The following CFAP57 variants were observed in gnomAD, a reference collection of about 807,000 sequenced individuals.
CFAP57 encodes the protein cilia- and flagella-associated protein 57.
CFAP57 carries 116 observed loss-of-function variants against 146.8 expected under a neutral mutation model. The ratio of observed to expected loss-of-function variants is 0.79; its 90% CI spans 0.68 to 0.92. The LOEUF (loss-of-function observed/expected upper bound fraction) is 0.92, where lower values mean the gene tolerates loss of function less well. Among genes scored for constraint, CFAP57 ranks in the 40% least tolerant of loss-of-function variants. CFAP57 has a pLI of 0.00. For missense variants in CFAP57, 1,377 were observed against 1,527.2 expected (o/e 0.90, Z 1.64); for synonymous variants, 518 against 552.8 (o/e 0.94, Z 0.88).
At chr1:43,179,124 G>A (rs2025590) in intron 2 of CFAP57, among the ~76,000 whole-genome samples, 30,162 of 151,988 alleles carry the variant, frequency 0.2, 3,487 homozygotes, top group Middle Eastern at 0.3. Flanking sequence ...ATCACACACC[G>A]GGGCCTGTTG....
chr1:43,198,359 C>G (rs1397477225), intron 7 of CFAP57, 122 bp from the exon 8 acceptor site: 1 of 1,126,850 alleles, frequency 8.9e-7, no homozygotes, highest in Non-Finnish European at 1.3e-6. Context: ...AAGAGAGGAA[C>G]CAACAATTGC....
At chr1:43,237,246 A>C (rs539658789) in intron 21 of CFAP57, among the ~76,000 whole-genome samples, 1 of 152,364 alleles carries the variant, frequency 6.6e-6, no homozygotes, top group South Asian at 2.1e-4. Context: ...AAATGAGGTC[A>C]CTGTCTCATT....
chr1:43,207,016 G>A (rs982582309), intron 10 of CFAP57, 84 bp downstream of exon 10: 28 of 1,393,810 alleles, frequency 2.0e-5, no homozygotes, highest in Admixed American at 8.6e-5. Context: ...AAGTATGCAC[G>A]GAATGAGGGC....
chr1:43,211,718 A>G (rs1056987984), intron 11 of CFAP57, among the ~76,000 whole-genome samples: 7 of 152,216 alleles, frequency 4.6e-5, no homozygotes, highest in African/African-American at 1.4e-4. Context: ...TTAACTTCAC[A>G]CTACTGTAAG....
chr1:43,241,947 T>C (rs1197500949), intron 21 of CFAP57, among the ~76,000 whole-genome samples: 2 of 152,062 alleles, frequency 1.3e-5, no homozygotes, highest in South Asian at 2.1e-4. Context: ...AGGCAGAGAT[T>C]TGAGGTGTGG....
At chr1:43,241,379 T>G (rs939511728) in intron 21 of CFAP57, among the ~76,000 whole-genome samples, 6 of 152,094 alleles carry the variant, frequency 3.9e-5, no homozygotes, top group Non-Finnish European at 8.8e-5. Context: ...AAGGTGTAGA[T>G]CTGTGCTTTA....
At chr1:43,207,471 C>T (rs912380985) in intron 10 of CFAP57, among the ~76,000 whole-genome samples, 1 of 152,178 alleles carries the variant, frequency 6.6e-6, no homozygotes, top group East Asian at 1.9e-4. Context: ...TTTGTAGCCT[C>T]GGAGCAGTAG....
At chr1:43,196,255 T>A (rs1466832807) in intron 6 of CFAP57, among the ~76,000 whole-genome samples, 1 of 152,188 alleles carries the variant, frequency 6.6e-6, no homozygotes, top group African/African-American at 2.4e-5. Context: ...GCTTTTGTTT[T>A]TAAGACAAGA....
intron 18 of CFAP57, among the ~76,000 whole-genome samples, chr1:43,229,305 C>T (rs1645378699): frequency 6.7e-6 from 1 of 149,030 alleles, no homozygotes; most frequent in Non-Finnish European, 1.5e-5. Context: ...CAGGGGCCAA[C>T]CGTGGCCTTG....
chr1:43,191,965 G>A (rs918385595), intron 6 of CFAP57, among the ~76,000 whole-genome samples: 1 of 151,702 alleles, frequency 6.6e-6, no homozygotes, highest in Non-Finnish European at 1.5e-5. Flanking sequence ...CAAATATTTT[G>A]GAATTTCTCT....
chr1:43,225,032 T>A (rs1645192007), intron 17 of CFAP57, among the ~76,000 whole-genome samples: 1 of 152,178 alleles, frequency 6.6e-6, no homozygotes, highest in Admixed American at 6.5e-5. Context: ...CATGTGAGTG[T>A]CGGTGTACAT....
At position 43,199,401 on chromosome 1, in the gene CFAP57, C is replaced by T; in HGVS notation, c.1440C>T (p.Ser480=). The T allele has an allele frequency of 6.2e-7, 1 of 1,614,110 alleles. No individual in the cohort carries two copies. The highest frequency in any genetic ancestry group is 2.2e-5 in the East Asian group (1 of 44,886). Residue 480 remains serine (S), a synonymous_variant, in exon 9 of 23, where the codon AGC becomes AGT. Coordinates refer to ENST00000372492, the MANE Select transcript of CFAP57 (RefSeq NM_001378189.1). ...GTCTTTCCCTATAGTGTTCCTTTAG[C>T]AATGGAGGTCACCTGTTTGCTGCAG... is the stretch of plus-strand genomic sequence containing the variant. ...SVRGCGECSF[S]NGGHLFAAVN...
At chr1:43,226,137 C>T (rs944599545) in intron 17 of CFAP57, among the ~76,000 whole-genome samples, 11 of 152,310 alleles carry the variant, frequency 7.2e-5, no homozygotes, top group South Asian at 2.1e-4. Context: ...CGTGCCACTG[C>T]GCTCTAGCCT....
intron 6 of CFAP57, among the ~76,000 whole-genome samples, chr1:43,190,488 T>C (rs1643441725): frequency 6.6e-6 from 1 of 152,100 alleles, no homozygotes; most frequent in South Asian, 2.1e-4. Context: ...GCCAGGATGG[T>C]CTCGATCTCC....
intron 3 of CFAP57, 31 bp from the exon 4 acceptor site, chr1:43,183,560 T>C (rs1192320655): frequency 1.2e-6 from 2 of 1,603,066 alleles, no homozygotes; most frequent in Non-Finnish European, 1.7e-6. Context: ...GTTTCATAAA[T>C]TTTTTTCTTC....
chr1:43,247,399 C>T (rs1570362308), intron 22 of CFAP57, among the ~76,000 whole-genome samples: 2 of 152,152 alleles, frequency 1.3e-5, no homozygotes, highest in East Asian at 3.8e-4. Flanking sequence ...ACATCCTGTG[C>T]AATCAAGAAA....
intron 22 of CFAP57, 128 bp from the exon 23 acceptor site, chr1:43,253,849 C>A: frequency 1.3e-6 from 1 of 776,662 alleles, no homozygotes; most frequent in Non-Finnish European, 2.1e-6. Context: ...GTACCTCCAG[C>A]ATCTGGGATT....
At chr1:43,211,722 C>T (rs185909610) in intron 11 of CFAP57, among the ~76,000 whole-genome samples, 5 of 152,320 alleles carry the variant, frequency 3.3e-5, no homozygotes, top group Admixed American at 1.3e-4. Flanking sequence ...CTTCACACTA[C>T]TGTAAGCGTT....
At chr1:43,233,467 TG>T (rs1453742851) in intron 19 of CFAP57, among the ~76,000 whole-genome samples, 2 of 149,016 alleles carry the variant, frequency 1.3e-5, no homozygotes, top group African/African-American at 5.0e-5. Context: ...CCAGCCTGGG[TG>T]ACAGAGCAAG....
Sources: gnomAD v4.1 joint callset for allele counts (sites outside exome capture counted in the v4.1 genomes callset) on GRCh38, gnomAD v4.1.1 for gene constraint, MANE v1.5 for transcripts, NCBI Gene and HGNC (gene_info 2026-07-23, HGNC 2026-07-21) for gene names.